CAPN14: variants seen among roughly 807,000 people sequenced by gnomAD.
CAPN14 encodes the protein calpain-14.
In CAPN14, 94 loss-of-function variants were observed where a neutral mutation model predicts 101.3. That is an observed-to-expected ratio of 0.93 (90% CI 0.79 to 1.10). CAPN14 has a LOEUF of 1.10. Ranked by LOEUF, CAPN14 falls within the 50% of genes least tolerant of loss-of-function variation. The pLI is 0.00. For missense variants in CAPN14, 837 were observed against 828.4 expected, an observed-to-expected ratio of 1.01 and a Z score of -0.13; for synonymous variants, 338 against 317.9, an observed-to-expected ratio of 1.06 and a Z score of -0.67.
chr2:31,223,478 T>C (rs147556503), intron 2 of CAPN14, among the ~76,000 whole-genome samples: 194 of 152,176 alleles, frequency 1.3e-3, no homozygotes, highest in African/African-American at 4.4e-3. Flanking sequence ...AGAAAGACAG[T>C]GACACCTCCC....
intron 16 of CAPN14, among the ~76,000 whole-genome samples, chr2:31,183,389 G>A (rs915721791): frequency 6.6e-6 from 1 of 152,178 alleles, no homozygotes; most frequent in African/African-American, 2.4e-5. Context: ...TGCCATCAGA[G>A]TGAACAGGCA....
intron 12 of CAPN14, 74 bp from the exon 13 acceptor site, chr2:31,189,552 G>A: frequency 1.6e-6 from 2 of 1,247,246 alleles, no homozygotes; most frequent in South Asian, 1.3e-5. Context: ...GGCCCTCAAA[G>A]CTCTGAGCCA....
Position 31,189,369 on chromosome 2 carries a change from A to T in CAPN14, c.1397T>A (p.Leu466Gln), listed in dbSNP as rs1390282471. 7 of 1,551,768 alleles carry T rather than the reference A, an allele frequency of 4.5e-6. No individual in the cohort carries two copies. The change falls in exon 13 of 22, where the codon CTG (leucine) becomes CAG (glutamine). Residue 466 changes from leucine (L) to glutamine (Q), a missense_variant. Physicochemically the swap from Leu to Gln is moderately radical, Grantham distance 113. Transcript: ENST00000403897. ...KEKEVSQELC[L>Q]EPGTYLIVPC... ...CACGATGAGGTACGTCCCTGGTTCCAGACACAGCTCCTGACTCACTTCTTT... is the reference window on the plus strand; with the variant it reads ...CACGATGAGGTACGTCCCTGGTTCCTGACACAGCTCCTGACTCACTTCTTT...
At chr2:31,199,431 A>G (rs1424898403) in intron 7 of CAPN14, 39 bp downstream of exon 7, 1 of 1,519,982 alleles carries the variant, frequency 6.6e-7, no homozygotes. Flanking sequence ...AGGGAAGGGC[A>G]AGGCTGAGAG....
intron 1 of CAPN14, among the ~76,000 whole-genome samples, chr2:31,210,538 A>G (rs59855145): frequency 0.036 from 5,405 of 152,252 alleles, 263 homozygotes; most frequent in African/African-American, 0.11. Context: ...AATCACTTTC[A>G]AGTCAGGAGA....
At chr2:31,223,800 T>C (rs959370947) in intron 2 of CAPN14, among the ~76,000 whole-genome samples, 2 of 152,156 alleles carry the variant, frequency 1.3e-5, no homozygotes, top group African/African-American at 4.8e-5. Flanking sequence ...AGTACTGAGA[T>C]TACAGGCATG....
chr2:31,201,907 T>G lies in CAPN14; in HGVS notation c.506A>C (p.Tyr169Ser). 1 of 1,551,690 alleles carries G rather than the reference T, an allele frequency of 6.4e-7. No individual in the cohort carries two copies. Among genetic ancestry groups the G allele is most frequent in the Middle Eastern group, 1.7e-4 (1 of 5,992 alleles). Residue 169 changes from tyrosine (Y) to serine (S), a missense_variant, in exon 5 of 22, where the codon TAT (tyrosine) becomes TCT (serine). Tyr to Ser is a moderately radical substitution (Grantham distance 144). Coordinates refer to ENST00000403897, the MANE Select transcript of CAPN14 (RefSeq NM_001145122.2). ...AGQLVFVSST[Y>S]KNLFWGALLE... ...AAGTGCTCCCCAGAACAAGTTCTTATAGGTGGAGGAGACAAAGACCAGCTG... is the reference window on the plus strand; with the variant it reads ...AAGTGCTCCCCAGAACAAGTTCTTAGAGGTGGAGGAGACAAAGACCAGCTG...
Position 31,189,449 on chromosome 2 carries a change from A to G in CAPN14, c.1317T>C (p.Pro439=). The stretch of plus-strand genomic sequence containing the variant: ...GAGGAGTGTTTCTCTGGAAGAACTC[A>G]GGGGGCAGTCTCCTCTGGTCATCAT... ...KYHDDQRRLP[P]EFFQRNTPLS... Residue 439 remains proline, a synonymous_variant, in exon 13 of 22, where the codon CCT becomes CCC. Transcript: ENST00000403897. 6.4e-7 allele frequency: 1 copy of G among 1,551,628 alleles called. No homozygotes were observed.
chr2:31,204,022 G>A (rs897853172), intron 2 of CAPN14, among the ~76,000 whole-genome samples: 1 of 152,180 alleles, frequency 6.6e-6, no homozygotes, highest in African/African-American at 2.4e-5. Flanking sequence ...TCATGAACCT[G>A]TTTTGGGGGT....
At chr2:31,186,195 T>C (rs1176220210) in intron 16 of CAPN14, among the ~76,000 whole-genome samples, 1 of 152,246 alleles carries the variant, frequency 6.6e-6, no homozygotes, top group Non-Finnish European at 1.5e-5. Context: ...TCATTTTCAC[T>C]GCCATGTATG....
intron 10 of CAPN14, among the ~76,000 whole-genome samples, chr2:31,192,596 C>A (rs1252903537): frequency 1.3e-5 from 2 of 152,158 alleles, no homozygotes; most frequent in Non-Finnish European, 2.9e-5. Flanking sequence ...TCACTATCTC[C>A]ACAGTGGAGG....
upstream of CAPN14, among the ~76,000 whole-genome samples, chr2:31,222,198 T>C (rs1195790039): frequency 6.6e-6 from 1 of 152,184 alleles, no homozygotes; most frequent in African/African-American, 2.4e-5. Flanking sequence ...TCTGTGCCTT[T>C]CAAAGCATAA....
In CAPN14 at chr2:31,230,110, A is replaced by G. The variant is rs566832424; in HGVS notation, c.-176-3459T>C. Among the ~76,000 whole-genome samples, 2 of 152,308 alleles carry G rather than the reference A, an allele frequency of 1.3e-5. No homozygotes were observed. Among genetic ancestry groups the G allele is most frequent in the African/African-American group, 4.8e-5 (2 of 41,574 alleles). On this transcript the variant is annotated intron_variant and NMD_transcript_variant, in intron 1 of 21. Coordinates refer to the CAPN14 transcript ENST00000398824. The surrounding 1 kb of genome is among the most constrained non-coding windows in gnomAD (Gnocchi z 4.3). The stretch of plus-strand genomic sequence containing the variant: ...AACTAGTGTCATGGAGGTCTGTTGT[A>G]CAGATGATTTCATCACCCAGGTGTT...
chr2:31,180,895 C>G (rs1680559556), intron 17 of CAPN14, 41 bp downstream of exon 17: 1 of 1,516,474 alleles, frequency 6.6e-7, no homozygotes, highest in African/African-American at 1.4e-5. Context: ...GTGAAGCTCT[C>G]AACCAACAGC....
At chr2:31,218,189 C>T (rs1005664189), upstream of CAPN14, among the ~76,000 whole-genome samples, 6 of 152,248 alleles carry the variant, frequency 3.9e-5, no homozygotes, top group Non-Finnish European at 7.4e-5. Context: ...TAAAGCATTT[C>T]TTAGCCCTCC....
intron 16 of CAPN14, among the ~76,000 whole-genome samples, chr2:31,181,219 T>C (rs1310269811): frequency 1.1e-4 from 17 of 152,108 alleles, no homozygotes; most frequent in Admixed American, 1.1e-3. Flanking sequence ...CTGGTACGGC[T>C]TGGGTTTGCT....
intron 16 of CAPN14, among the ~76,000 whole-genome samples, chr2:31,185,885 A>G (rs913756709): frequency 6.6e-6 from 1 of 152,202 alleles, no homozygotes; most frequent in Non-Finnish European, 1.5e-5. Flanking sequence ...CACTCCAAAT[A>G]TATGTATAAA....
intron 1 of CAPN14, among the ~76,000 whole-genome samples, chr2:31,211,808 T>A (rs1172594008): frequency 6.6e-6 from 1 of 152,144 alleles, no homozygotes; most frequent in African/African-American, 2.4e-5. Context: ...GACTCCTCGA[T>A]TAGTATGTAT....
At chr2:31,181,024 C>T in intron 16 of CAPN14, 24 bp from the exon 17 acceptor site, 5 of 1,549,966 alleles carry the variant, frequency 3.2e-6, no homozygotes, top group Non-Finnish European at 4.4e-6. Context: ...AAAGAGTCCA[C>T]ATGGGGGCTG....
Sources: gnomAD v4.1 joint callset for allele counts (sites outside exome capture counted in the v4.1 genomes callset) on GRCh38, gnomAD v4.1.1 for gene constraint, Gnocchi (gnomAD v3.1) non-coding constraint, MANE v1.5 for transcripts, NCBI Gene and HGNC (gene_info 2026-07-23, HGNC 2026-07-21) for gene names.